Variants in ETV7 observed in about 807,000 individuals in gnomAD.
ETV7 encodes the protein ETS variant transcription factor 7, also known as transcription factor ETV7.
ETV7 carries 43 observed loss-of-function variants against 39.1 expected under a neutral mutation model. That is an observed-to-expected ratio of 1.10 (90% CI 0.86 to 1.42). ETV7 has a LOEUF of 1.42. Among genes scored for constraint, ETV7 ranks in the 40% most tolerant of loss-of-function variants. The probability of loss-of-function intolerance (pLI) is 0.00; values close to 1 mark genes in which losing one functional copy is unlikely to be tolerated. For synonymous variants in ETV7, 196 were observed against 176.6 expected (o/e 1.11, Z -0.87); for missense variants, 432 against 442.3 (o/e 0.98, Z 0.21).
At chr6:36,357,863 G>C (rs1318174293) in intron 7 of ETV7, among the ~76,000 whole-genome samples, 2 of 151,970 alleles carry the variant, frequency 1.3e-5, no homozygotes, top group Non-Finnish European at 2.9e-5. Flanking sequence ...AGGTGACAGA[G>C]TGAGATTCTG....
rs1187537325 is a variant in ETV7 at position 36,369,039 on chromosome 6, G to A, written c.697C>T (p.Leu233=). ...CRLLWDYVYQ[L]LLDTRYEPYI... Reference sequence around the variant, plus strand: ...GGCTCATATCGGGTATCAAGGAGCAGCTGATACACGTAATCCCACAGCAGG... The same window carrying A: ...GGCTCATATCGGGTATCAAGGAGCAACTGATACACGTAATCCCACAGCAGG... Residue 233 remains leucine, a synonymous_variant, in exon 6 of 8, where the codon CTG becomes TTG. Coordinates refer to ENST00000340181, the MANE Select transcript of ETV7 (RefSeq NM_016135.4). The A allele has an allele frequency of 6.2e-7, 1 of 1,614,190 alleles. No individual in the cohort carries two copies. Among genetic ancestry groups the A allele is most frequent in the Admixed American group, 1.7e-5 (1 of 60,030 alleles).
At chr6:36,376,557 C>T (rs1773363853) in intron 2 of ETV7, among the ~76,000 whole-genome samples, 1 of 152,072 alleles carries the variant, frequency 6.6e-6, no homozygotes, top group South Asian at 2.1e-4. Context: ...GCGGGTGGAT[C>T]ACAAAGTCAG....
intron 2 of ETV7, among the ~76,000 whole-genome samples, chr6:36,378,156 A>G (rs1773468754): frequency 6.7e-6 from 1 of 149,844 alleles, no homozygotes; most frequent in Non-Finnish European, 1.5e-5. Context: ...ACGCGTGCCT[A>G]TGTGTGTATG....
intron 2 of ETV7, among the ~76,000 whole-genome samples, chr6:36,381,137 G>A (rs980874993): frequency 2.0e-5 from 3 of 152,156 alleles, no homozygotes; most frequent in Non-Finnish European, 4.4e-5. Context: ...ATGAACAGCT[G>A]GCTTCTCCCT....
chr6:36,360,576 G>A lies in ETV7; in HGVS notation c.909-5889C>T, dbSNP rs561474222. 3.9e-5 allele frequency among the ~76,000 whole-genome samples: 6 copies of A among 152,220 alleles called. No individual in the cohort carries two copies. In the East Asian group the frequency reaches 1.2e-3, roughly 29 times the overall value. On this transcript the variant is annotated intron_variant, in intron 7 of 7. Coordinates refer to the ETV7 transcript ENST00000339796. ...TTACAGAGCATGCCTGAGCTGGAGA[G>A]TACACATCTCCCCGTGAGAGAAGGC...
At chr6:36,376,255 G>C (rs980702062) in intron 2 of ETV7, among the ~76,000 whole-genome samples, 1 of 141,694 alleles carries the variant, frequency 7.1e-6, no homozygotes, top group African/African-American at 3.1e-5. Flanking sequence ...CATTATGTAT[G>C]TAGCATGTAT....
At chr6:36,363,295 T>C (rs531370692), downstream of ETV7, among the ~76,000 whole-genome samples, 1 of 152,260 alleles carries the variant, frequency 6.6e-6, no homozygotes, top group African/African-American at 2.4e-5. Flanking sequence ...GTTCGTGGTC[T>C]CGCTGGCTCA....
At chr6:36,374,303 G>C (rs1773193851) in intron 3 of ETV7, among the ~76,000 whole-genome samples, 1 of 152,020 alleles carries the variant, frequency 6.6e-6, no homozygotes, top group East Asian at 1.9e-4. Context: ...GCACAAGTGA[G>C]CTGTGTTCAC....
downstream of ETV7, among the ~76,000 whole-genome samples, chr6:36,364,522 C>G (rs890654295): frequency 2.6e-5 from 4 of 152,226 alleles, no homozygotes; most frequent in African/African-American, 9.6e-5. Context: ...CCGGCTGCTC[C>G]GAGTGCGGGA....
intron 1 of ETV7, among the ~76,000 whole-genome samples, chr6:36,387,229 C>T (rs930181211): frequency 6.6e-6 from 1 of 152,128 alleles, no homozygotes; most frequent in African/African-American, 2.4e-5. Context: ...CTTCCAAAGA[C>T]CTCACATCTG....
rs115072447 is a variant in ETV7, at chr6:36,385,164, C to A, written c.142+370G>T. ...CCTGGGCAACATAGAGCAACCCTGT[C>A]TCTTATTTAAAAAAAAATTTAATTT... On this transcript the variant is annotated intron_variant, in intron 2 of 7. Transcript: ENST00000340181. Among the ~76,000 whole-genome samples the A allele has an allele frequency of 8.3e-3, 1,266 of 151,666 alleles. 23 individuals carry two copies. Among genetic ancestry groups the A allele is most frequent in the African/African-American group, 0.029 (1,180 of 41,346 alleles).
At chr6:36,360,085 G>A (rs1331071921) in intron 7 of ETV7, among the ~76,000 whole-genome samples, 2 of 152,152 alleles carry the variant, frequency 1.3e-5, no homozygotes, top group Non-Finnish European at 2.9e-5. Context: ...TAGAGACGGA[G>A]TTTCACCATG....
intron 3 of ETV7, 179 bp downstream of exon 3, chr6:36,375,692 G>A (rs925270013): frequency 3.1e-6 from 3 of 965,484 alleles, no homozygotes; most frequent in Non-Finnish European, 4.6e-6. Context: ...CTGAAGGCCT[G>A]CTCTAGCTAG....
At chr6:36,375,757 A>C (rs1293018225) in intron 3 of ETV7, 114 bp downstream of exon 3, 1 of 1,532,532 alleles carries the variant, frequency 6.5e-7, no homozygotes, top group East Asian at 2.3e-5. Flanking sequence ...GGAAATGAGC[A>C]TGATTCCCCA....
chr6:36,385,467 C>G, intron 2 of ETV7, 67 bp downstream of exon 2: 14 of 1,598,648 alleles, frequency 8.8e-6, no homozygotes, highest in Non-Finnish European at 1.2e-5. Flanking sequence ...CAGAGCAAGA[C>G]CCTGGATCTA....
downstream of ETV7, among the ~76,000 whole-genome samples, chr6:36,365,626 G>A (rs1582174474): frequency 6.6e-6 from 1 of 152,138 alleles, no homozygotes; most frequent in Non-Finnish European, 1.5e-5. Flanking sequence ...AGGGGGCTGG[G>A]CCAAGTGAAA....
chr6:36,375,799 C>G, intron 3 of ETV7, 72 bp downstream of exon 3: 1 of 1,608,094 alleles, frequency 6.2e-7, no homozygotes, highest in African/African-American at 1.3e-5. Flanking sequence ...TCCCTGGGCC[C>G]CCCGGGGGTA....
downstream of ETV7, among the ~76,000 whole-genome samples, chr6:36,362,970 T>C (rs942804144): frequency 2.0e-5 from 3 of 152,148 alleles, no homozygotes; most frequent in Admixed American, 2.0e-4. Context: ...GAAGAGGAAA[T>C]GAGGTGGCTT....
chr6:36,380,590 C>T (rs1161558045), intron 2 of ETV7, among the ~76,000 whole-genome samples: 2 of 152,124 alleles, frequency 1.3e-5, no homozygotes, highest in Non-Finnish European at 2.9e-5. Flanking sequence ...AGCAGGGCTA[C>T]ATGTGGGGGC....
Sources: gnomAD v4.1 joint callset for allele counts (sites outside exome capture counted in the v4.1 genomes callset) on GRCh38, gnomAD v4.1.1 for gene constraint, MANE v1.5 for transcripts, NCBI Gene and HGNC (gene_info 2026-07-23, HGNC 2026-07-21) for gene names.